The following UBR1 variants were observed in gnomAD, a reference collection of about 807,000 sequenced individuals.
UBR1 encodes ubiquitin protein ligase E3 component n-recognin 1, also known as E3 ubiquitin-protein ligase UBR1.
A neutral mutation model predicts 242.1 loss-of-function variants in UBR1; 102 were observed. The ratio of observed to expected loss-of-function variants is 0.42; its 90% CI spans 0.36 to 0.50. The LOEUF is 0.50. Ranked by LOEUF, UBR1 falls within the 20% of genes least tolerant of loss-of-function variation. The probability of loss-of-function intolerance (pLI) is 0.01; values close to 1 mark genes in which losing one functional copy is unlikely to be tolerated. For synonymous variants in UBR1, 675 were observed against 684.8 expected (o/e 0.99, Z 0.22); for missense variants, 1,772 against 2,101.8 (o/e 0.84, Z 3.07).
At chr15:42,972,967 C>G (rs1354181169) in intron 39 of UBR1, among the ~76,000 whole-genome samples, 1 of 152,224 alleles carries the variant, frequency 6.6e-6, no homozygotes, top group African/African-American at 2.4e-5. Flanking sequence ...CCATCAACAA[C>G]AAATGAGAGT....
At chr15:43,072,539 T>C (rs2033835429) in intron 4 of UBR1, among the ~76,000 whole-genome samples, 3 of 152,222 alleles carry the variant, frequency 2.0e-5, no homozygotes, top group Non-Finnish European at 2.9e-5. Flanking sequence ...CCTAAATTCC[T>C]TGGTAGAACC....
At chr15:43,001,871 A>T (rs925415519) in intron 32 of UBR1, among the ~76,000 whole-genome samples, 23 of 152,176 alleles carry the variant, frequency 1.5e-4, no homozygotes, top group African/African-American at 5.6e-4. Flanking sequence ...AAATGAAATT[A>T]AAAATAATAC....
At position 43,007,158 on chromosome 15, in the gene UBR1, A is replaced by C. The variant is rs1159425116; in HGVS notation, c.3336T>G (p.Asn1112Lys). The change falls in exon 30 of 47, where the codon AAT (asparagine) becomes AAG (lysine). Residue 1112 changes from asparagine (N) to lysine (K), a missense_variant. Asn to Lys is a moderately conservative substitution (Grantham distance 94). Transcript: ENST00000290650. ...QEEQEVKIEN[N>K]AMVLSACVQK... is the part of the protein sequence containing the mutation. ...GGACACAGGCCGATAATACCATGGC[A>C]TTATTTTCTATTTTCACCTCCTGTT... is the stretch of plus-strand genomic sequence containing the variant. 6.2e-7 allele frequency: 1 copy of C among 1,614,114 alleles called. No individual in the cohort carries two copies.
intron 11 of UBR1, among the ~76,000 whole-genome samples, chr15:43,056,060 T>C (rs2033615253): frequency 6.6e-6 from 1 of 152,224 alleles, no homozygotes; most frequent in Non-Finnish European, 1.5e-5. Flanking sequence ...TCTATCTGCC[T>C]ACAAACAATA....
chr15:43,043,933 GA>G (rs939918550), intron 14 of UBR1, among the ~76,000 whole-genome samples: 34 of 151,682 alleles, frequency 2.2e-4, no homozygotes, highest in East Asian at 2.1e-3. Flanking sequence ...TAAGAGGGGG[GA>G]AAAAAAAGAA....
chr15:43,082,572 C>G (rs1468602957), intron 3 of UBR1, 66 bp downstream of exon 3: 1 of 1,284,456 alleles, frequency 7.8e-7, no homozygotes, highest in Admixed American at 1.8e-5. Flanking sequence ...GAATACTACT[C>G]AAGAATTTGG....
At chr15:43,024,266 C>A (rs1391778372) in intron 25 of UBR1, among the ~76,000 whole-genome samples, 3 of 152,122 alleles carry the variant, frequency 2.0e-5, no homozygotes, top group African/African-American at 7.2e-5. Context: ...GAAAAAGGAA[C>A]ATTTAGTTAG....
chr15:42,988,967 C>A lies in UBR1; in HGVS notation c.3849G>T (p.Ser1283=). 6.3e-7 allele frequency: 1 copy of A among 1,596,990 alleles called. No individual in the cohort carries two copies. The highest frequency in any genetic ancestry group is 8.6e-7 in the Non-Finnish European group (1 of 1,164,944). ...CCTTGATGCTATTTGAATATTTAAT[C>A]CTATAAATAAAACAAGAAAATTTGT... ...HSILSFGVES[S]IKYSNSIKEM... The change falls in exon 35 of 47, where the codon TCG becomes TCT. Residue 1283 remains serine, a splice_region_variant and synonymous_variant. Transcript: ENST00000290650.
chr15:43,005,339 GC>G (rs1282834893), intron 30 of UBR1, among the ~76,000 whole-genome samples: 1 of 151,180 alleles, frequency 6.6e-6, no homozygotes. Context: ...GTGGGGGGCA[GC>G]CCCCGCCTGG....
chr15:42,972,826 T>C (rs1280745088), intron 39 of UBR1, among the ~76,000 whole-genome samples: 2 of 152,254 alleles, frequency 1.3e-5, no homozygotes, highest in African/African-American at 2.4e-5. Context: ...CACAGTTTTG[T>C]GTGAAGTTCA....
At chr15:43,019,469 G>A (rs2033075194) in intron 27 of UBR1, among the ~76,000 whole-genome samples, 1 of 151,932 alleles carries the variant, frequency 6.6e-6, no homozygotes, top group Non-Finnish European at 1.5e-5. Context: ...TGATAAGAAT[G>A]TGAAAAATAA....
rs749593414 is a variant in UBR1 at position 43,021,357 on chromosome 15, A to G, written c.2858T>C (p.Met953Thr). 12 of 1,613,530 alleles carry G rather than the reference A, an allele frequency of 7.4e-6. No homozygotes were observed. The Admixed American group carries it at 1.8e-4, about 25-fold the overall frequency. The part of the protein sequence containing the change: ...HKASRLGSSA[M>T]NIQMLLEKLK... Reference sequence around the variant, plus strand: ...TTTTTCCAAAAGCATTTGTATATTCATGGCTGAACTTCCCAATCCTTTTTT... The same window carrying G: ...TTTTTCCAAAAGCATTTGTATATTCGTGGCTGAACTTCCCAATCCTTTTTT... Residue 953 changes from methionine (M) to threonine (T), a missense_variant, in exon 27 of 47, where the codon ATG becomes ACG. Met to Thr is a moderately conservative substitution (Grantham distance 81). Coordinates refer to ENST00000290650, the MANE Select transcript of UBR1 (RefSeq NM_174916.3).
At chr15:42,981,318 G>A (rs764370500) in intron 37 of UBR1, among the ~76,000 whole-genome samples, 1 of 151,954 alleles carries the variant, frequency 6.6e-6, no homozygotes, top group Non-Finnish European at 1.5e-5. Flanking sequence ...AACACATCAC[G>A]CACTTTCCTA....
intron 29 of UBR1, among the ~76,000 whole-genome samples, chr15:43,012,867 G>C (rs2032944136): frequency 6.6e-6 from 1 of 152,126 alleles, no homozygotes; most frequent in South Asian, 2.1e-4. Flanking sequence ...GATGTATTGT[G>C]CCTACTAGTA....
intron 15 of UBR1, among the ~76,000 whole-genome samples, chr15:43,039,070 T>G (rs3986259): frequency 1.3e-5 from 2 of 151,882 alleles, no homozygotes; most frequent in African/African-American, 4.8e-5. Flanking sequence ...TTTTTATTTT[T>G]ATTAAAAAGG....
chr15:42,962,592 C>T (rs1384389622), intron 42 of UBR1, among the ~76,000 whole-genome samples: 3 of 152,050 alleles, frequency 2.0e-5, no homozygotes, highest in South Asian at 2.1e-4. Flanking sequence ...TGGGTTCCAG[C>T]GAGTCTCCTG....
chr15:42,967,945 T>C (rs146894776), intron 40 of UBR1, among the ~76,000 whole-genome samples: 107 of 150,296 alleles, frequency 7.1e-4, no homozygotes, highest in Non-Finnish European at 1.3e-3. Context: ...TGAATATATA[T>C]AAAAATTATA....
intron 11 of UBR1, among the ~76,000 whole-genome samples, chr15:43,055,476 A>G (rs2033606114): frequency 6.6e-6 from 1 of 152,092 alleles, no homozygotes; most frequent in Admixed American, 6.6e-5. Flanking sequence ...CAAGTATAAC[A>G]AAGATATACT....
At position 42,977,861 on chromosome 15, in the gene UBR1, A is replaced by T; in HGVS notation, c.4218+19T>A. The stretch of plus-strand genomic sequence containing the variant: ...AATTATCAACATGAGTGACTTAAAC[A>T]AAATTACTGAACACTTACCAAAACA... On this transcript the variant is annotated intron_variant, in intron 38 of 46. Transcript: ENST00000290650. 6.2e-7 allele frequency: 1 copy of T among 1,601,864 alleles called. No homozygotes were observed. The highest frequency in any genetic ancestry group is 8.6e-7 in the Non-Finnish European group (1 of 1,169,148).
Sources: gnomAD v4.1 joint callset for allele counts (sites outside exome capture counted in the v4.1 genomes callset) on GRCh38, gnomAD v4.1.1 for gene constraint, MANE v1.5 for transcripts, NCBI Gene and HGNC (gene_info 2026-07-23, HGNC 2026-07-21) for gene names.